Variants in CSMD1 observed in about 807,000 individuals in gnomAD.
The protein encoded by CSMD1 is CUB and sushi domain-containing protein 1.
Under a neutral mutation model 417.5 loss-of-function variants are expected in CSMD1, and 213 were observed. The ratio of observed to expected loss-of-function variants is 0.51; its 90% CI spans 0.46 to 0.57. The LOEUF (loss-of-function observed/expected upper bound fraction) is 0.57, where lower values mean the gene tolerates loss of function less well. CSMD1 is among the 20% of genes least tolerant of loss of function. The pLI is 0.00. For missense variants in CSMD1, 6,923 were observed against 4,529.7 expected, an observed-to-expected ratio of 1.53 and a Z score of -15.17; for synonymous variants, 2,862 against 1,736.8, an observed-to-expected ratio of 1.65 and a Z score of -16.11.
chr8:4,152,707 T>C (rs1417206522), intron 3 of CSMD1, among the ~76,000 whole-genome samples: 1 of 151,228 alleles, frequency 6.6e-6, no homozygotes, highest in African/African-American at 2.4e-5. Context: ...AAAAAAAAAA[T>C]CCTTTACATA....
intron 1 of CSMD1, among the ~76,000 whole-genome samples, chr8:4,723,787 T>TAAAAAAAA (rs57096241): frequency 1.4e-4 from 18 of 131,432 alleles, no homozygotes; most frequent in African/African-American, 4.2e-4. Context: ...CTTTCGAATG[T>TAAAAAAAA]AAAAAAAAAA....
intron 4 of CSMD1, among the ~76,000 whole-genome samples, chr8:4,028,380 A>C (rs912156607): frequency 2.0e-5 from 3 of 152,186 alleles, no homozygotes; most frequent in Non-Finnish European, 4.4e-5. Context: ...CCTGGCTTAC[A>C]GTAAGTGGAC....
chr8:4,399,242 T>C lies in CSMD1; in HGVS notation c.415+20711A>G, dbSNP rs142980976. Among the ~76,000 whole-genome samples, 10 of 152,304 alleles carry C rather than the reference T, an allele frequency of 6.6e-5. No individual in the cohort carries two copies. The East Asian group carries it at 1.7e-3, about 26-fold the overall frequency. ...ATATGACAAACCGTATTTCCCCTTG[T>C]GTGTAATTCCTCCCCACAAAAACAG... On this transcript the variant is annotated intron_variant, in intron 3 of 69. Coordinates refer to ENST00000635120, the MANE Select transcript of CSMD1 (RefSeq NM_033225.6).
chr8:4,862,820 A>C (rs752103303), intron 1 of CSMD1, among the ~76,000 whole-genome samples: 1 of 152,072 alleles, frequency 6.6e-6, no homozygotes, highest in African/African-American at 2.4e-5. Context: ...GGGTAGCTAG[A>C]AAGTTGAAGA....
intron 51 of CSMD1, among the ~76,000 whole-genome samples, chr8:3,022,848 G>T (rs1809553250): frequency 6.6e-6 from 1 of 152,142 alleles, no homozygotes; most frequent in African/African-American, 2.4e-5. Flanking sequence ...TCAGAGTCAG[G>T]AATTGTTTTA....
At chr8:3,915,429 G>C (rs1020992782) in intron 5 of CSMD1, among the ~76,000 whole-genome samples, 8 of 118,756 alleles carry the variant, frequency 6.7e-5, no homozygotes, top group African/African-American at 2.1e-4. Context: ...AAAAAAAAAA[G>C]AGTTTAGCAT....
chr8:4,406,277 C>A (rs1324500189), intron 3 of CSMD1, among the ~76,000 whole-genome samples: 1 of 152,050 alleles, frequency 6.6e-6, no homozygotes, highest in Non-Finnish European at 1.5e-5. Context: ...TCAGATAGTG[C>A]AATTCAAACA....
intron 3 of CSMD1, among the ~76,000 whole-genome samples, chr8:4,098,911 G>A (rs1249488443): frequency 6.6e-6 from 1 of 152,156 alleles, no homozygotes. Flanking sequence ...GTTAGAACCA[G>A]TATTAGAGAC....
At chr8:4,242,480 G>A (rs1319768086) in intron 3 of CSMD1, among the ~76,000 whole-genome samples, 3 of 152,128 alleles carry the variant, frequency 2.0e-5, no homozygotes, top group South Asian at 2.1e-4. Context: ...AATTAGCAGA[G>A]ACTTCCTGAG....
At chr8:4,212,623 T>A (rs574108271) in intron 3 of CSMD1, among the ~76,000 whole-genome samples, 5 of 152,224 alleles carry the variant, frequency 3.3e-5, no homozygotes, top group Non-Finnish European at 5.9e-5. Context: ...AATGATCCTG[T>A]CTACTACTGC....
intron 2 of CSMD1, among the ~76,000 whole-genome samples, chr8:4,425,050 G>T (rs901322932): frequency 9.2e-5 from 14 of 151,968 alleles, no homozygotes; most frequent in Admixed American, 2.0e-4. Flanking sequence ...AACTATTGAG[G>T]ATAATTTAGT....
At chr8:4,988,860 G>T (rs186524746) in intron 1 of CSMD1, among the ~76,000 whole-genome samples, 258 of 152,284 alleles carry the variant, frequency 1.7e-3, no homozygotes, top group African/African-American at 6.0e-3. Flanking sequence ...TTTCCATAAA[G>T]CTCCCTATAA....
intron 9 of CSMD1, among the ~76,000 whole-genome samples, chr8:3,585,312 T>C (rs921622489): frequency 6.6e-6 from 1 of 152,210 alleles, no homozygotes; most frequent in Non-Finnish European, 1.5e-5. Context: ...TCCATTCACG[T>C]GAAAAGACTA....
At chr8:4,177,905 C>G (rs1249827790) in intron 3 of CSMD1, among the ~76,000 whole-genome samples, 1 of 151,746 alleles carries the variant, frequency 6.6e-6, no homozygotes, top group Non-Finnish European at 1.5e-5. Flanking sequence ...CTGAATAGAC[C>G]AATAACAGGA....
At chr8:4,284,669 A>C (rs1302760271) in intron 3 of CSMD1, among the ~76,000 whole-genome samples, 1 of 152,130 alleles carries the variant, frequency 6.6e-6, no homozygotes, top group Non-Finnish European at 1.5e-5. Flanking sequence ...GAGGATCCCC[A>C]CAACACTCTT....
At chr8:4,931,219 T>C (rs557894509) in intron 1 of CSMD1, among the ~76,000 whole-genome samples, 2 of 152,272 alleles carry the variant, frequency 1.3e-5, no homozygotes, top group African/African-American at 2.4e-5. Context: ...CTCACTCCCC[T>C]TTTTTTAGAA....
intron 2 of CSMD1, among the ~76,000 whole-genome samples, chr8:4,537,650 G>C (rs551546885): frequency 1.4e-4 from 21 of 152,216 alleles, no homozygotes; most frequent in Non-Finnish European, 2.6e-4. Context: ...ATTAAGCATT[G>C]ATTTGCATTA....
chr8:3,668,210 G>C (rs541759801), intron 7 of CSMD1, among the ~76,000 whole-genome samples: 77 of 152,246 alleles, frequency 5.1e-4, no homozygotes, highest in African/African-American at 1.8e-3. Flanking sequence ...AGGGAACATA[G>C]TAAAACTGAC....
chr8:3,201,303 G>A (rs530921546), intron 32 of CSMD1, among the ~76,000 whole-genome samples: 82 of 152,188 alleles, frequency 5.4e-4, no homozygotes, highest in African/African-American at 1.8e-3. Flanking sequence ...AGACACATGG[G>A]ATACAAAATT....
Sources: gnomAD v4.1 joint callset for allele counts (sites outside exome capture counted in the v4.1 genomes callset) on GRCh38, gnomAD v4.1.1 for gene constraint, MANE v1.5 for transcripts, NCBI Gene and HGNC (gene_info 2026-07-23, HGNC 2026-07-21) for gene names.